Variants in SLC30A7 observed in about 807,000 individuals in gnomAD.
SLC30A7 encodes zinc transporter 7.
A neutral mutation model predicts 46.0 loss-of-function variants in SLC30A7; 35 were observed. The ratio of observed to expected loss-of-function variants is 0.76; its 90% CI spans 0.58 to 1.01. The LOEUF is 1.01. SLC30A7 is among the 50% of genes least tolerant of loss of function. The pLI is 0.00. For synonymous variants in SLC30A7, 147 were observed against 157.8 expected, an observed-to-expected ratio of 0.93 and a Z score of 0.51; for missense variants, 464 against 451.1, an observed-to-expected ratio of 1.03 and a Z score of -0.26.
chr1:100,936,813 T>C (rs766677550), intron 8 of SLC30A7, among the ~76,000 whole-genome samples: 6 of 152,226 alleles, frequency 3.9e-5, no homozygotes, highest in Non-Finnish European at 8.8e-5. Context: ...TTGTGAAATA[T>C]ATAAGTGGTA....
rs766791702 is a variant in SLC30A7 at position 100,911,067 on chromosome 1, G to A, written c.301G>A (p.Val101Ile). 2.5e-6 allele frequency: 4 copies of A among 1,608,706 alleles called. No homozygotes were observed. The highest frequency in any genetic ancestry group is 2.2e-5 in the East Asian group (1 of 44,754). ...RDNDAFSYGY[V>I]RAEVLAGFVN... ...ATTTACTTTGTTCCTCTTTAGGTATGTTAGAGCGGAAGTTCTGGCTGGCTT... is the reference window on the plus strand; with the variant it reads ...ATTTACTTTGTTCCTCTTTAGGTATATTAGAGCGGAAGTTCTGGCTGGCTT... The change falls in exon 4 of 11, where the codon GTT (valine) becomes ATT (isoleucine). Residue 101 changes from valine to isoleucine, a missense_variant. Coordinates refer to ENST00000357650, the MANE Select transcript of SLC30A7 (RefSeq NM_133496.5).
chr1:100,926,464 A>G lies in SLC30A7; in HGVS notation c.842+4623A>G, dbSNP rs1653313235. 2.6e-5 allele frequency among the ~76,000 whole-genome samples: 4 copies of G among 152,216 alleles called. No individual in the cohort carries two copies. The South Asian group carries it at 6.2e-4, about 24-fold the overall frequency. On this transcript the variant is annotated intron_variant, in intron 8 of 10. Transcript: ENST00000357650. ...GAGAGAGAGAGAAAAAACAATGACT[A>G]AATCTGGAAATAAGTCACTATTGTG...
intron 9 of SLC30A7, among the ~76,000 whole-genome samples, chr1:100,962,771 T>C (rs763221042): frequency 6.6e-6 from 1 of 152,230 alleles, no homozygotes; most frequent in East Asian, 1.9e-4. Context: ...AGAGAACATA[T>C]TCTAGCGAGG....
At chr1:100,902,553 TCA>T (rs1651374047) in intron 2 of SLC30A7, among the ~76,000 whole-genome samples, 1 of 152,192 alleles carries the variant, frequency 6.6e-6, no homozygotes, top group South Asian at 2.1e-4. Context: ...ATTTATTGTC[TCA>T]CAGTTCTGGA....
intron 6 of SLC30A7, among the ~76,000 whole-genome samples, chr1:100,914,535 T>G (rs1652352002): frequency 6.6e-6 from 1 of 152,218 alleles, no homozygotes; most frequent in Non-Finnish European, 1.5e-5. Flanking sequence ...TTTACCTCTA[T>G]GTTTTTTTTA....
intron 8 of SLC30A7, among the ~76,000 whole-genome samples, chr1:100,939,126 G>A (rs1654173957): frequency 6.6e-6 from 1 of 152,050 alleles, no homozygotes; most frequent in Admixed American, 6.6e-5. Context: ...TACCAAAATA[G>A]GGAACTAGAC....
downstream of SLC30A7, among the ~76,000 whole-genome samples, chr1:100,983,375 CAA>C (rs779529890): frequency 5.5e-4 from 42 of 76,470 alleles, no homozygotes; most frequent in Non-Finnish European, 8.3e-4. Flanking sequence ...TACTTTGAGG[CAA>C]AAAAAAAAAA....
rs1656531243 is a variant in SLC30A7, at chr1:100,976,637, G to A, written c.*1780G>A. Reference sequence around the variant, plus strand: ...TGTGGGAGAAAAAACCCTGCAGGATGGAAACAATTATTAAGAATGTAGATC... The same window carrying A: ...TGTGGGAGAAAAAACCCTGCAGGATAGAAACAATTATTAAGAATGTAGATC... On this transcript the variant is annotated 3_prime_UTR_variant, in exon 11 of 11. Transcript: ENST00000357650. The A allele has an allele frequency of 6.6e-6, 1 of 152,400 alleles. No individual in the cohort carries two copies. Among genetic ancestry groups the A allele is most frequent in the Non-Finnish European group, 1.5e-5 (1 of 68,020 alleles). 9.4% of individuals were successfully genotyped at this position (152,400 alleles called of 1,614,324 possible).
rs772362954 is a variant in SLC30A7 at position 100,913,733 on chromosome 1, T to C, written c.582T>C (p.His194=). The change falls in exon 6 of 11, where the codon CAT becomes CAC. Residue 194 remains histidine, a synonymous_variant. Coordinates refer to ENST00000357650, the MANE Select transcript of SLC30A7 (RefSeq NM_133496.5). ...CACATGGCCATGTCGATCATTGCCA[T>C]AGCCATGAAGTGAAACATGGTGCTG... ...DQAHGHVDHC[H]SHEVKHGAAH... The C allele has an allele frequency of 1.2e-6, 2 of 1,613,974 alleles. No individual in the cohort carries two copies. The highest frequency in any genetic ancestry group is 1.7e-6 in the Non-Finnish European group (2 of 1,179,852).
At chr1:100,926,516 T>G (rs1427958235) in intron 8 of SLC30A7, among the ~76,000 whole-genome samples, 1 of 152,162 alleles carries the variant, frequency 6.6e-6, no homozygotes, top group Non-Finnish European at 1.5e-5. Context: ...ATGAGGGATC[T>G]GTCCCCATGA....
rs765692417 is a variant in SLC30A7, at chr1:100,965,752, T to A, written c.934-17T>A. 6.2e-7 allele frequency: 1 copy of A among 1,608,290 alleles called. No individual in the cohort carries two copies. Among genetic ancestry groups the A allele is most frequent in the Non-Finnish European group, 8.5e-7 (1 of 1,174,852 alleles). ...TTAACTTGATTATGATGTTAATATC[T>A]CTCCTTTATATTTCAGGTACAGCAG... On this transcript the variant is annotated splice_polypyrimidine_tract_variant and intron_variant, in intron 9 of 10. Coordinates refer to ENST00000357650, the MANE Select transcript of SLC30A7 (RefSeq NM_133496.5).
At chr1:100,919,311 C>T (rs1440509226) in intron 7 of SLC30A7, among the ~76,000 whole-genome samples, 3 of 152,052 alleles carry the variant, frequency 2.0e-5, no homozygotes, top group Non-Finnish European at 2.9e-5. Flanking sequence ...GTCAGGGTTT[C>T]CTAATTCCCA....
At chr1:100,903,202 C>CT (rs1557973117) in intron 2 of SLC30A7, among the ~76,000 whole-genome samples, 2 of 152,004 alleles carry the variant, frequency 1.3e-5, no homozygotes, top group South Asian at 2.1e-4. Context: ...GAACACAACT[C>CT]TATCATTTTA....
intron 8 of SLC30A7, among the ~76,000 whole-genome samples, chr1:100,930,157 T>TA (rs1653579875): frequency 6.6e-6 from 1 of 152,054 alleles, no homozygotes; most frequent in Non-Finnish European, 1.5e-5. Flanking sequence ...TAGATTTTTT[T>TA]AAAAAAATCA....
chr1:100,937,598 A>G (rs1241764342), intron 8 of SLC30A7, among the ~76,000 whole-genome samples: 1 of 151,930 alleles, frequency 6.6e-6, no homozygotes, highest in Non-Finnish European at 1.5e-5. Flanking sequence ...TCTTGTACTT[A>G]TTGGCCATTT....
the SLC30A7 span, among the ~76,000 whole-genome samples, chr1:100,993,599 G>T: frequency 0.03 from 1,261 of 41,956 alleles, 26 homozygotes; most frequent in African/African-American, 0.076. Context: ...TATATATATA[G>T]CTATTGTGGC....
intron 2 of SLC30A7, among the ~76,000 whole-genome samples, chr1:100,901,683 A>T (rs1202238077): frequency 6.6e-6 from 1 of 152,154 alleles, no homozygotes; most frequent in Non-Finnish European, 1.5e-5. Flanking sequence ...ACCTCAGGTG[A>T]TCCACCCACC....
At chr1:100,938,265 T>C (rs1431080710) in intron 8 of SLC30A7, among the ~76,000 whole-genome samples, 1 of 152,174 alleles carries the variant, frequency 6.6e-6, no homozygotes, top group African/African-American at 2.4e-5. Context: ...TAGAAAAAAA[T>C]GTCACTGGGA....
chr1:100,970,428 T>C (rs1230354331), intron 10 of SLC30A7, among the ~76,000 whole-genome samples: 1 of 152,088 alleles, frequency 6.6e-6, no homozygotes, highest in Non-Finnish European at 1.5e-5. Flanking sequence ...AGTTACCAAT[T>C]AATCTTTAAC....
Sources: gnomAD v4.1 joint callset for allele counts (sites outside exome capture counted in the v4.1 genomes callset) on GRCh38, gnomAD v4.1.1 for gene constraint, MANE v1.5 for transcripts, NCBI Gene and HGNC (gene_info 2026-07-23, HGNC 2026-07-21) for gene names.